PRKN: variants seen among roughly 807,000 people sequenced by gnomAD.
PRKN encodes parkin RBR E3 ubiquitin protein ligase.
Under a neutral mutation model 59.5 loss-of-function variants are expected in PRKN, and 56 were observed. The ratio of observed to expected loss-of-function variants is 0.94; its 90% confidence interval spans 0.76 to 1.18. PRKN has a LOEUF of 1.18. Ranked by LOEUF, PRKN falls within the 50% of genes most tolerant of loss-of-function variation. The pLI, the probability that PRKN is intolerant of heterozygous loss-of-function variation, is 0.00. For synonymous variants in PRKN, 250 were observed against 222.1 expected (o/e 1.13, Z -1.12); for missense variants, 657 against 596.4 (o/e 1.10, Z -1.06).
chr6:161,834,819 C>T (rs1383805712), intron 6 of PRKN, among the ~76,000 whole-genome samples: 2 of 152,208 alleles, frequency 1.3e-5, no homozygotes, highest in African/African-American at 4.8e-5. Context: ...CCAGGGCAAC[C>T]ATTCTGGGAG....
chr6:161,369,430 A>G lies in PRKN; in HGVS notation c.1168-9225T>C, dbSNP rs73600951. On this transcript the variant is annotated intron_variant, in intron 10 of 11. Transcript: ENST00000366898. This position sits in a 1 kb window ranked among gnomAD's most constrained non-coding sequence, Gnocchi z 5.8. The stretch of plus-strand genomic sequence containing the variant: ...TCTCCCTTTGCGCCTGAAGAGGAAC[A>G]TGGTGAGCTGGGTAACTTACCCTCT... Among the ~76,000 whole-genome samples, 15,699 of 152,248 alleles carry G rather than the reference A, an allele frequency of 0.1. 907 individuals are homozygous for G. Among genetic ancestry groups the G allele is most frequent in the South Asian group, 0.23 (1,119 of 4,816 alleles).
chr6:162,612,056 G>A (rs535849272), intron 1 of PRKN, among the ~76,000 whole-genome samples: 133 of 151,482 alleles, frequency 8.8e-4, no homozygotes, highest in Middle Eastern at 6.8e-3. Context: ...AGCTGGGCGT[G>A]GTGGCGGGCG....
At chr6:161,418,080 A>C (rs988341374) in intron 9 of PRKN, among the ~76,000 whole-genome samples, 1 of 152,256 alleles carries the variant, frequency 6.6e-6, no homozygotes, top group African/African-American at 2.4e-5. Flanking sequence ...TCAGCTGCTT[A>C]TTCTCACTAA....
At position 162,049,256 on chromosome 6, in the gene PRKN, T is replaced by C. The variant is rs536191721; in HGVS notation, c.618+4835A>G. Among the ~76,000 whole-genome samples, 6 of 152,044 alleles carry C rather than the reference T, an allele frequency of 3.9e-5. No individual in the cohort carries two copies. The East Asian group carries it at 7.7e-4, about 20-fold the overall frequency. ...GTACATGGATATTTTGTCTAAGTGA[T>C]AGAAATTCAAAATTTTAATAAACTT... On this transcript the variant is annotated intron_variant, in intron 5 of 11. Coordinates refer to ENST00000366898, the MANE Select transcript of PRKN (RefSeq NM_004562.3).
intron 7 of PRKN, among the ~76,000 whole-genome samples, chr6:161,700,158 GT>G (rs1293934874): frequency 3.3e-5 from 5 of 151,720 alleles, no homozygotes; most frequent in Non-Finnish European, 5.9e-5. Flanking sequence ...TGCAGTGCCT[GT>G]TTGGCCCTCG....
intron 1 of PRKN, among the ~76,000 whole-genome samples, chr6:162,532,604 A>G (rs965360581): frequency 2.0e-5 from 3 of 152,208 alleles, no homozygotes; most frequent in Non-Finnish European, 4.4e-5. Flanking sequence ...TGTTCCCTAC[A>G]AATGTTGAGT....
At chr6:162,452,252 T>C (rs1460869999) in intron 1 of PRKN, among the ~76,000 whole-genome samples, 1 of 152,078 alleles carries the variant, frequency 6.6e-6, no homozygotes, top group Non-Finnish European at 1.5e-5. Flanking sequence ...AAATATCAAA[T>C]AAACTCTTCA....
chr6:161,410,587 G>A lies in PRKN; in HGVS notation c.1084-23710C>T, dbSNP rs1274169653. On this transcript the variant is annotated intron_variant, in intron 9 of 11. Coordinates refer to ENST00000366898, the MANE Select transcript of PRKN (RefSeq NM_004562.3). The surrounding 1 kb of genome is among the most constrained non-coding windows in gnomAD (Gnocchi z 5.3). ...CTGGACACACACAGCAGCGAGAGGG[G>A]AAGGGCGAGCTATTTCCTCCATTCT... Among the ~76,000 whole-genome samples, 2 of 152,186 alleles carry A rather than the reference G, an allele frequency of 1.3e-5. No individual in the cohort carries two copies. The highest frequency in any genetic ancestry group is 2.9e-5 in the Non-Finnish European group (2 of 68,032).
intron 6 of PRKN, among the ~76,000 whole-genome samples, chr6:161,895,158 C>T (rs756215463): frequency 6.6e-6 from 1 of 152,184 alleles, no homozygotes; most frequent in Non-Finnish European, 1.5e-5. Flanking sequence ...TAAAGCTTCA[C>T]ATTTAACTGC....
chr6:162,314,881 A>G (rs968992598), intron 2 of PRKN, among the ~76,000 whole-genome samples: 1 of 152,130 alleles, frequency 6.6e-6, no homozygotes, highest in African/African-American at 2.4e-5. Context: ...TAAAATCTGT[A>G]TGCGTTTCAC....
chr6:162,422,866 A>C (rs1789044475), intron 2 of PRKN, among the ~76,000 whole-genome samples: 1 of 150,034 alleles, frequency 6.7e-6, no homozygotes. Flanking sequence ...AAATTTCTTG[A>C]ACCCGGGAGG....
At chr6:162,247,009 A>G (rs1287870685) in intron 3 of PRKN, among the ~76,000 whole-genome samples, 1 of 152,094 alleles carries the variant, frequency 6.6e-6, no homozygotes. Flanking sequence ...TTGGCCCTTT[A>G]GTTATACATA....
Position 161,561,910 on chromosome 6 carries a change from C to T in PRKN, c.933+7445G>A, listed in dbSNP as rs1013538687. ...AACTCTGGCTCCTGTCTTTACGCAT[C>T]CCCCAAAACTGCTCATTATGGTCAT... On this transcript the variant is annotated intron_variant, in intron 8 of 11. Coordinates refer to ENST00000366898, the MANE Select transcript of PRKN (RefSeq NM_004562.3). The surrounding 1 kb of genome is among the most constrained non-coding windows in gnomAD (Gnocchi z 5.0). 3.9e-5 allele frequency among the ~76,000 whole-genome samples: 6 copies of T among 152,166 alleles called. No homozygotes were observed. Among genetic ancestry groups the T allele is most frequent in the African/African-American group, 9.6e-5 (4 of 41,456 alleles).
intron 6 of PRKN, among the ~76,000 whole-genome samples, chr6:161,946,414 A>ACACACACACACACACACACACACACT (rs1247187053): frequency 8.7e-6 from 1 of 114,376 alleles, no homozygotes; most frequent in Non-Finnish European, 1.7e-5. Context: ...ACACACACAC[A>ACACACACACACACACACACACACACT]CTCTCTCTCT....
Position 161,352,567 on chromosome 6 carries a change from T to C in PRKN, c.1286-2356A>G, listed in dbSNP as rs867913575. ...TTTTATCATATCATAAATATATCATTATTATATCATGTATCGTAAAATATA... is the reference window on the plus strand; with the variant it reads ...TTTTATCATATCATAAATATATCATCATTATATCATGTATCGTAAAATATA... On this transcript the variant is annotated intron_variant, in intron 11 of 11. Coordinates refer to ENST00000366898, the MANE Select transcript of PRKN (RefSeq NM_004562.3). The surrounding 1 kb of genome is among the most constrained non-coding windows in gnomAD (Gnocchi z 5.8). Among the ~76,000 whole-genome samples the C allele has an allele frequency of 5.3e-5, 8 of 151,606 alleles. No homozygotes were observed. The highest frequency in any genetic ancestry group is 1.9e-4 in the African/African-American group (8 of 41,348).
chr6:161,402,207 C>T lies in PRKN; in HGVS notation c.1084-15330G>A, dbSNP rs1213096261. Among the ~76,000 whole-genome samples the T allele has an allele frequency of 2.0e-5, 3 of 152,110 alleles. No homozygotes were observed. The highest frequency in any genetic ancestry group is 4.4e-5 in the Non-Finnish European group (3 of 68,028). On this transcript the variant is annotated intron_variant, in intron 9 of 11. Transcript: ENST00000366898. This position sits in a 1 kb window ranked among gnomAD's most constrained non-coding sequence, Gnocchi z 4.5. ...CGTGAGCAGGAGGTGAAGCCAAATGCCTTCAGTGACCTGAAAAATGCTATC... is the reference window on the plus strand; with the variant it reads ...CGTGAGCAGGAGGTGAAGCCAAATGTCTTCAGTGACCTGAAAAATGCTATC...
At chr6:162,001,188 G>A (rs1404457576) in intron 5 of PRKN, among the ~76,000 whole-genome samples, 1 of 151,936 alleles carries the variant, frequency 6.6e-6, no homozygotes, top group Non-Finnish European at 1.5e-5. Flanking sequence ...AAGTTAACAT[G>A]CTGGACTTTT....
At chr6:161,520,889 A>C (rs1778794705) in intron 9 of PRKN, among the ~76,000 whole-genome samples, 1 of 152,242 alleles carries the variant, frequency 6.6e-6, no homozygotes, top group African/African-American at 2.4e-5. Flanking sequence ...ATGCTTACCT[A>C]GTATCTGACA....
chr6:161,716,612 GA>G (rs1786992298), intron 7 of PRKN, among the ~76,000 whole-genome samples: 2 of 152,340 alleles, frequency 1.3e-5, no homozygotes, highest in South Asian at 2.1e-4. Flanking sequence ...GGTGTCTCAA[GA>G]GGGGGGGAAA....
Sources: gnomAD v4.1 joint callset for allele counts (sites outside exome capture counted in the v4.1 genomes callset) on GRCh38, gnomAD v4.1.1 for gene constraint, Gnocchi (gnomAD v3.1) non-coding constraint, MANE v1.5 for transcripts, NCBI Gene and HGNC (gene_info 2026-07-23, HGNC 2026-07-21) for gene names.